Variants in ZNF420 observed in about 807,000 individuals in gnomAD.
ZNF420 encodes the protein zinc finger protein 420.
ZNF420 carries 31 observed loss-of-function variants against 44.7 expected under a neutral mutation model. The ratio of observed to expected loss-of-function variants is 0.69; its 90% CI spans 0.52 to 0.94. The LOEUF (loss-of-function observed/expected upper bound fraction) is 0.94. Ranked by LOEUF, ZNF420 falls within the 40% of genes least tolerant of loss-of-function variation. The probability of loss-of-function intolerance (pLI) is 0.00; values close to 1 mark genes in which losing one functional copy is unlikely to be tolerated. For missense variants in ZNF420, 681 were observed against 827.9 expected (o/e 0.82, Z 2.18); for synonymous variants, 245 against 267.4 (o/e 0.92, Z 0.82).
At chr19:37,070,937 T>C (rs1280835682) in intron 1 of ZNF420, among the ~76,000 whole-genome samples, 1 of 152,190 alleles carries the variant, frequency 6.6e-6, no homozygotes, top group African/African-American at 2.4e-5. Context: ...TGGCATAAAG[T>C]TTCACTAGAA....
intron 1 of ZNF420, chr19:37,025,068 G>T (rs1967127337): frequency 3.9e-6 from 1 of 256,178 alleles, no homozygotes; most frequent in East Asian, 7.8e-5. Context: ...TTTCTCACCA[G>T]TGTGAATATT....
Position 37,127,682 on chromosome 19 carries a change from G to A in ZNF420, c.691G>A (p.Ala231Thr). The A allele has an allele frequency of 6.2e-7, 1 of 1,613,926 alleles. No homozygotes were observed. Among genetic ancestry groups the A allele is most frequent in the Non-Finnish European group, 8.5e-7 (1 of 1,179,888 alleles). ...KPYKCEECGK[A>T]FIRSSQLTRH... is the part of the protein sequence containing the mutation. ...ATATAAATGTGAAGAATGTGGGAAAGCCTTTATTCGTAGCTCACAACTTAC... is the reference window on the plus strand; with the variant it reads ...ATATAAATGTGAAGAATGTGGGAAAACCTTTATTCGTAGCTCACAACTTAC... Residue 231 changes from alanine (A) to threonine (T), a missense_variant, in exon 5 of 5, where the codon GCC becomes ACC. Ala to Thr is a moderately conservative substitution (Grantham distance 58). Coordinates refer to ENST00000337995, the MANE Select transcript of ZNF420 (RefSeq NM_144689.5).
At position 37,125,027 on chromosome 19, in the gene ZNF420, G is replaced by C. The variant is rs186147234; in HGVS notation, c.137-2101G>C. 3.9e-5 allele frequency among the ~76,000 whole-genome samples: 6 copies of C among 152,082 alleles called. No individual in the cohort carries two copies. The East Asian group carries it at 9.7e-4, about 25-fold the overall frequency. On this transcript the variant is annotated intron_variant, in intron 4 of 4. Coordinates refer to ENST00000337995, the MANE Select transcript of ZNF420 (RefSeq NM_144689.5). ...AATTTTTTGTATTTTTAGTAGAGAC[G>C]GGTTTTCACCATGTTGGCCAGGTTG...
At chr19:37,123,899 C>T (rs917851358) in intron 4 of ZNF420, among the ~76,000 whole-genome samples, 10 of 152,058 alleles carry the variant, frequency 6.6e-5, no homozygotes, top group African/African-American at 2.2e-4. Flanking sequence ...TGAGCCACTG[C>T]GCCCAGCCTT....
At chr19:37,123,306 C>T (rs1971156151) in intron 4 of ZNF420, among the ~76,000 whole-genome samples, 1 of 152,092 alleles carries the variant, frequency 6.6e-6, no homozygotes, top group South Asian at 2.1e-4. Context: ...GAGTAAAAGT[C>T]GATTTTTTAA....
intron 4 of ZNF420, among the ~76,000 whole-genome samples, chr19:37,123,034 C>T (rs1401153200): frequency 6.6e-6 from 1 of 152,154 alleles, no homozygotes. Flanking sequence ...TCCATTGTTC[C>T]AACCTTTCAG....
chr19:37,055,839 G>A (rs1197663053), intron 1 of ZNF420, among the ~76,000 whole-genome samples: 2 of 152,142 alleles, frequency 1.3e-5, no homozygotes, highest in Admixed American at 1.3e-4. Context: ...GAAAAGCAGC[G>A]CGGAATTCCA....
At chr19:37,105,795 T>C (rs915620992) in intron 4 of ZNF420, among the ~76,000 whole-genome samples, 8 of 152,176 alleles carry the variant, frequency 5.3e-5, no homozygotes, top group Non-Finnish European at 8.8e-5. Context: ...GTCTTTGAAG[T>C]AATTGTGAAT....
chr19:37,099,858 T>C (rs1465919174), intron 4 of ZNF420, among the ~76,000 whole-genome samples: 1 of 152,114 alleles, frequency 6.6e-6, no homozygotes, highest in Non-Finnish European at 1.5e-5. Flanking sequence ...CTCCTGACCT[T>C]GTGATCTGCC....
At chr19:37,019,389 T>G (rs1437171633) in intron 1 of ZNF420, among the ~76,000 whole-genome samples, 2 of 152,146 alleles carry the variant, frequency 1.3e-5, no homozygotes, top group Non-Finnish European at 2.9e-5. Context: ...CTGTTGGTAA[T>G]GATATAGAGA....
intron 1 of ZNF420, among the ~76,000 whole-genome samples, chr19:37,059,335 T>C (rs1967824421): frequency 6.6e-6 from 1 of 152,196 alleles, no homozygotes; most frequent in Admixed American, 6.5e-5. Context: ...GCAGCCTGAC[T>C]TCTAGGAGCG....
chr19:37,057,834 G>T (rs574469504), intron 1 of ZNF420, among the ~76,000 whole-genome samples: 1 of 152,154 alleles, frequency 6.6e-6, no homozygotes, highest in Non-Finnish European at 1.5e-5. Context: ...GGAGCAGACC[G>T]ATGTCAAAGG....
intron 4 of ZNF420, among the ~76,000 whole-genome samples, chr19:37,094,380 G>A (rs373722308): frequency 9.2e-5 from 14 of 152,058 alleles, no homozygotes; most frequent in African/African-American, 2.9e-4. Context: ...TTTGGAAAAC[G>A]TACAGTATTT....
At chr19:37,014,673 C>T (rs529708581) in intron 1 of ZNF420, among the ~76,000 whole-genome samples, 2 of 152,324 alleles carry the variant, frequency 1.3e-5, no homozygotes, top group African/African-American at 2.4e-5. Flanking sequence ...CACGACAATG[C>T]GCATGCACCA....
chr19:37,082,659 C>A (rs953194713), intron 2 of ZNF420, among the ~76,000 whole-genome samples: 1 of 152,046 alleles, frequency 6.6e-6, no homozygotes, highest in Non-Finnish European at 1.5e-5. Flanking sequence ...ATATTTTAAC[C>A]AACCATATGA....
chr19:37,024,042 C>T (rs977968043), intron 1 of ZNF420, among the ~76,000 whole-genome samples: 1 of 152,104 alleles, frequency 6.6e-6, no homozygotes, highest in African/African-American at 2.4e-5. Context: ...GACCTTAAGT[C>T]TGATAAGAAA....
chr19:37,115,149 T>C (rs188334222), intron 4 of ZNF420: 385 of 176,022 alleles, frequency 2.2e-3, no homozygotes, highest in Non-Finnish European at 3.2e-3. Context: ...TTGACCACGC[T>C]CGAGCGTACC....
intron 4 of ZNF420, among the ~76,000 whole-genome samples, chr19:37,104,905 G>T (rs1051870869): frequency 6.6e-6 from 1 of 152,184 alleles, no homozygotes; most frequent in African/African-American, 2.4e-5. Flanking sequence ...TTAGCCCTTT[G>T]TCAGATGGGT....
chr19:37,122,893 C>G (rs73618082), intron 4 of ZNF420, among the ~76,000 whole-genome samples: 1 of 152,144 alleles, frequency 6.6e-6, no homozygotes, highest in Non-Finnish European at 1.5e-5. Flanking sequence ...GATACCTCCC[C>G]AGAGTCACAT....
Sources: allele counts gnomAD v4.1 joint callset (sites outside exome capture counted in the v4.1 genomes callset), GRCh38; gene constraint gnomAD v4.1.1; transcripts MANE v1.5; gene names NCBI Gene and HGNC (gene_info 2026-07-23, HGNC 2026-07-21).